CCDC170: variants seen among roughly 807,000 people sequenced by gnomAD.
The protein encoded by CCDC170 is coiled-coil domain containing 170.
In CCDC170, 69 loss-of-function variants were observed where a neutral mutation model predicts 72.6. That is an observed-to-expected ratio of 0.95 (90% CI 0.78 to 1.16). CCDC170 has a LOEUF of 1.16. Among genes scored for constraint, CCDC170 ranks in the 50% most tolerant of loss-of-function variants. The probability of loss-of-function intolerance (pLI) is 0.00; values close to 1 mark genes in which losing one functional copy is unlikely to be tolerated. For missense variants in CCDC170, 852 were observed against 832.5 expected (o/e 1.02, Z -0.29); for synonymous variants, 300 against 303.9 (o/e 0.99, Z 0.13).
rs946423358 is a variant in CCDC170 at position 151,541,823 on chromosome 6, GTA to G, written c.444-2740_444-2739del. Among the ~76,000 whole-genome samples the G allele has an allele frequency of 4.0e-3, 569 of 143,270 alleles. 4 individuals carry two copies. The highest frequency in any genetic ancestry group is 0.014 in the African/African-American group (532 of 38,940). 94.0% of individuals were successfully genotyped at this position (143,270 alleles called of 152,430 possible). A position where few individuals can be genotyped will look rare whatever the true frequency, so the allele number is the denominator to read the frequency against. ...AATCATATGTTCTAAATATATATATGTATATATATAAATATAAGTATATATAA... is the reference window on the plus strand; with the variant it reads ...AATCATATGTTCTAAATATATATATGTATATATAAATATAAGTATATATAA... On this transcript the variant is annotated intron_variant, in intron 3 of 10. Transcript: ENST00000239374.
intron 5 of CCDC170, among the ~76,000 whole-genome samples, chr6:151,564,169 G>A (rs1776090968): frequency 6.6e-6 from 1 of 152,172 alleles, no homozygotes. Context: ...TATAGGGGAG[G>A]ATGTTTTCCT....
At chr6:151,541,039 T>C (rs897987705) in intron 3 of CCDC170, among the ~76,000 whole-genome samples, 1 of 152,120 alleles carries the variant, frequency 6.6e-6, no homozygotes, top group African/African-American at 2.4e-5. Flanking sequence ...CCCTTATTCT[T>C]TCTATTCCAG....
chr6:151,521,846 C>T (rs540618429), intron 1 of CCDC170, among the ~76,000 whole-genome samples: 5 of 152,086 alleles, frequency 3.3e-5, no homozygotes, highest in South Asian at 4.1e-4. Flanking sequence ...ATTAGCTGGG[C>T]GTGGTGGCAG....
chr6:151,528,343 C>T (rs959132057), intron 1 of CCDC170, among the ~76,000 whole-genome samples: 3 of 152,058 alleles, frequency 2.0e-5, no homozygotes, highest in African/African-American at 7.2e-5. Flanking sequence ...TCCAGGAGGG[C>T]TGAATTAAGA....
At chr6:151,582,221 G>A (rs1776387795) in intron 6 of CCDC170, among the ~76,000 whole-genome samples, 1 of 152,176 alleles carries the variant, frequency 6.6e-6, no homozygotes, top group Non-Finnish European at 1.5e-5. Context: ...TCTGTTGTTT[G>A]GTGTCGCCAC....
chr6:151,607,295 T>C lies in CCDC170; in HGVS notation c.1711-8148T>C, dbSNP rs560213692. Among the ~76,000 whole-genome samples the C allele has an allele frequency of 1.4e-4, 22 of 152,348 alleles. No homozygotes were observed. The South Asian group carries it at 4.6e-3, about 32-fold the overall frequency. On this transcript the variant is annotated intron_variant, in intron 9 of 10. Coordinates refer to ENST00000239374, the MANE Select transcript of CCDC170 (RefSeq NM_025059.4). The stretch of plus-strand genomic sequence containing the variant: ...TATTTACATTCAAGGTTGTTATTCA[T>C]AAGTGAGGACTTACTCCTTTCATTT...
chr6:151,550,525 G>T (rs139526691), intron 5 of CCDC170, among the ~76,000 whole-genome samples: 2 of 152,118 alleles, frequency 1.3e-5, no homozygotes, highest in Non-Finnish European at 2.9e-5. Context: ...AAGGCCCTTC[G>T]CACCACTAGC....
At chr6:151,606,260 A>C (rs1053678896) in intron 9 of CCDC170, among the ~76,000 whole-genome samples, 1 of 152,204 alleles carries the variant, frequency 6.6e-6, no homozygotes, top group Non-Finnish European at 1.5e-5. Flanking sequence ...CATTATTGCT[A>C]TAAACTTTTC....
At chr6:151,615,419 A>G (rs1457730914) in intron 9 of CCDC170, 24 bp from the exon 10 acceptor site, 11 of 1,515,504 alleles carry the variant, frequency 7.3e-6, no homozygotes, top group African/African-American at 1.4e-5. Flanking sequence ...AAAAGGAGTT[A>G]TCAGCATTCT....
chr6:151,618,297 A>C lies in CCDC170; in HGVS notation c.*150A>C. ...ATGCATCACTTGCAAAAACGATCTC[A>C]AAAGTGTCAGCCTTAGATAAACGTT... On this transcript the variant is annotated 3_prime_UTR_variant, in exon 11 of 11. Transcript: ENST00000239374. 3.0e-6 allele frequency: 2 copies of C among 662,574 alleles called. No individual in the cohort carries two copies. The highest frequency in any genetic ancestry group is 5.0e-6 in the Non-Finnish European group (2 of 396,832). 41.0% of individuals were successfully genotyped at this position (662,574 alleles called of 1,614,324 possible).
intron 1 of CCDC170, among the ~76,000 whole-genome samples, chr6:151,495,059 C>T (rs1781890311): frequency 6.6e-6 from 1 of 152,176 alleles, no homozygotes; most frequent in African/African-American, 2.4e-5. Context: ...TTTCCTACCA[C>T]GCTGTGTACT....
intron 1 of CCDC170, among the ~76,000 whole-genome samples, chr6:151,512,564 T>G (rs954033209): frequency 2.6e-5 from 4 of 152,170 alleles, no homozygotes; most frequent in African/African-American, 9.7e-5. Flanking sequence ...GGTAAAAGCA[T>G]GGGTGTTAGG....
intron 3 of CCDC170, among the ~76,000 whole-genome samples, chr6:151,540,843 A>G (rs1439560100): frequency 1.3e-5 from 2 of 152,168 alleles, no homozygotes; most frequent in African/African-American, 4.8e-5. Flanking sequence ...TATTTGGTTC[A>G]TAGGAGTGGT....
In CCDC170 at chr6:151,494,198, C is replaced by A; in HGVS notation, c.57+13C>A. ...GCCAGCGCCCGAGGTACGGTCCCAG[C>A]CGCCGGCCGCGCGCGGGGGTGGCCC... On this transcript the variant is annotated intron_variant, in intron 1 of 10. Transcript: ENST00000239374. 1.3e-6 allele frequency: 2 copies of A among 1,500,888 alleles called. No homozygotes were observed. Among genetic ancestry groups the A allele is most frequent in the Non-Finnish European group, 1.8e-6 (2 of 1,127,986 alleles). The allele number at this position is 1,500,888 out of a possible 1,614,324, so 93.0% of individuals were successfully genotyped here.
chr6:151,554,228 GC>G (rs149981999), intron 5 of CCDC170, among the ~76,000 whole-genome samples: 2,544 of 152,262 alleles, frequency 0.017, 80 homozygotes, highest in African/African-American at 0.058. Flanking sequence ...TAGTCATTTT[GC>G]CTGGGCAAGC....
chr6:151,504,060 C>G (rs912738669), intron 1 of CCDC170, among the ~76,000 whole-genome samples: 1 of 152,118 alleles, frequency 6.6e-6, no homozygotes, highest in Non-Finnish European at 1.5e-5. Context: ...TTGAATTTGA[C>G]AGTTGTATGA....
chr6:151,548,977 T>TG (rs1782829821), intron 5 of CCDC170, among the ~76,000 whole-genome samples: 1 of 152,062 alleles, frequency 6.6e-6, no homozygotes, highest in Non-Finnish European at 1.5e-5. Flanking sequence ...CTTGGCTTGC[T>TG]GAAGCTCCGC....
chr6:151,617,408 C>CTTTTTTT (rs745655791), intron 10 of CCDC170, among the ~76,000 whole-genome samples: 7 of 91,468 alleles, frequency 7.7e-5, no homozygotes, highest in Admixed American at 1.4e-4. Context: ...GCTGTTTGTT[C>CTTTTTTT]TTTTTTTTTT....
chr6:151,605,031 AC>A (rs1472478032), intron 9 of CCDC170, among the ~76,000 whole-genome samples: 1 of 152,078 alleles, frequency 6.6e-6, no homozygotes, highest in Non-Finnish European at 1.5e-5. Flanking sequence ...CCATTAACCA[AC>A]CTTTTCCTGT....
Sources: allele counts gnomAD v4.1 joint callset (sites outside exome capture counted in the v4.1 genomes callset), GRCh38; gene constraint gnomAD v4.1.1; transcripts MANE v1.5; gene names NCBI Gene and HGNC (gene_info 2026-07-23, HGNC 2026-07-21).